Variants in CDH18 observed in about 807,000 individuals in gnomAD.
CDH18 encodes cadherin-18.
CDH18 carries 31 observed loss-of-function variants against 67.9 expected under a neutral mutation model. The ratio of observed to expected loss-of-function variants is 0.46; its 90% CI spans 0.34 to 0.62. The LOEUF (loss-of-function observed/expected upper bound fraction) is 0.62, where lower values mean the gene tolerates loss of function less well. Among genes scored for constraint, CDH18 ranks in the 20% least tolerant of loss-of-function variants. The probability of loss-of-function intolerance (pLI) is 0.01; values close to 1 mark genes in which losing one functional copy is unlikely to be tolerated. For missense variants in CDH18, 890 were observed against 975.5 expected, an observed-to-expected ratio of 0.91 and a Z score of 1.17; for synonymous variants, 362 against 347.2, an observed-to-expected ratio of 1.04 and a Z score of -0.48.
chr5:20,409,844 T>C (rs1399722198), intron 1 of CDH18, among the ~76,000 whole-genome samples: 3 of 151,650 alleles, frequency 2.0e-5, no homozygotes, highest in Non-Finnish European at 4.4e-5. Context: ...GAAAGGATTA[T>C]ACAAATTACT....
chr5:20,544,753 G>A (rs576511612), intron 1 of CDH18, among the ~76,000 whole-genome samples: 19 of 152,246 alleles, frequency 1.2e-4, no homozygotes, highest in South Asian at 1.2e-3. Flanking sequence ...TGGGGACACA[G>A]AGGCAAACCA....
At chr5:19,747,987 C>T (rs1770274554) in intron 3 of CDH18, among the ~76,000 whole-genome samples, 1 of 150,062 alleles carries the variant, frequency 6.7e-6, no homozygotes. Flanking sequence ...GTGGCGGGCG[C>T]CTGTAGTCCC....
At chr5:20,054,655 T>G (rs1741744765) in intron 2 of CDH18, among the ~76,000 whole-genome samples, 1 of 152,176 alleles carries the variant, frequency 6.6e-6, no homozygotes, top group Admixed American at 6.5e-5. Flanking sequence ...TTTGACTTGC[T>G]CAAAGTTAGG....
intron 1 of CDH18, among the ~76,000 whole-genome samples, chr5:20,341,544 C>CATATAT (rs34518300): frequency 0.016 from 2,335 of 149,664 alleles, 60 homozygotes; most frequent in African/African-American, 0.053. Context: ...TATTAGAGGG[C>CATATAT]ATATATATAT....
chr5:20,253,078 C>T (rs1022909979), intron 2 of CDH18, among the ~76,000 whole-genome samples: 1 of 152,070 alleles, frequency 6.6e-6, no homozygotes, highest in Admixed American at 6.6e-5. Flanking sequence ...GCAGCGGGGT[C>T]GTAGCCTAGC....
intron 5 of CDH18, among the ~76,000 whole-genome samples, chr5:19,617,378 T>A (rs1656215892): frequency 6.6e-6 from 1 of 152,220 alleles, no homozygotes; most frequent in Admixed American, 6.5e-5. Flanking sequence ...TATCCATGTA[T>A]CCAGTATTTG....
chr5:20,223,501 G>A (rs1039939288), intron 2 of CDH18, among the ~76,000 whole-genome samples: 1 of 152,026 alleles, frequency 6.6e-6, no homozygotes, highest in African/African-American at 2.4e-5. Context: ...AAGACTTTTG[G>A]GGACTGTTGG....
intron 2 of CDH18, among the ~76,000 whole-genome samples, chr5:20,064,720 T>G (rs568003321): frequency 1.4e-3 from 214 of 152,134 alleles, no homozygotes; most frequent in African/African-American, 4.8e-3. Flanking sequence ...TCAACAGAAC[T>G]TCTATTGAAA....
intron 7 of CDH18, among the ~76,000 whole-genome samples, chr5:19,581,812 T>C (rs751587725): frequency 3.3e-5 from 5 of 149,548 alleles, no homozygotes; most frequent in Non-Finnish European, 5.9e-5. Flanking sequence ...TATGGTATTT[T>C]GTCAAAACAC....
intron 8 of CDH18, among the ~76,000 whole-genome samples, chr5:19,551,485 A>G (rs1737439295): frequency 6.6e-6 from 1 of 152,146 alleles, no homozygotes; most frequent in East Asian, 1.9e-4. Flanking sequence ...TAAGAGATTT[A>G]GTCTCTCTGA....
chr5:20,291,407 T>C (rs545096984), intron 1 of CDH18, among the ~76,000 whole-genome samples: 1 of 152,202 alleles, frequency 6.6e-6, no homozygotes, highest in South Asian at 2.1e-4. Flanking sequence ...TTAAGGGTGA[T>C]GGTGGGGAAC....
chr5:20,317,244 T>C (rs986944144), intron 1 of CDH18, among the ~76,000 whole-genome samples: 1 of 152,048 alleles, frequency 6.6e-6, no homozygotes, highest in East Asian at 1.9e-4. Context: ...AAATTCTAGG[T>C]AAAGCATAAG....
chr5:20,422,506 G>T lies in CDH18; in HGVS notation c.-580+152956C>A, dbSNP rs886843040. On this transcript the variant is annotated intron_variant, in intron 1 of 14. Coordinates refer to the CDH18 transcript ENST00000507958. ...ATTAAATTAATAATGTAAGATAAAT[G>T]TGTTGTTTTCTGTGAATGGATTTTT... Among the ~76,000 whole-genome samples, 7 of 150,916 alleles carry T rather than the reference G, an allele frequency of 4.6e-5. 1 individual carries two copies. Among genetic ancestry groups the T allele is most frequent in the African/African-American group, 1.7e-4 (7 of 40,410 alleles).
chr5:20,272,519 G>A (rs1745511702), intron 1 of CDH18, among the ~76,000 whole-genome samples: 1 of 151,490 alleles, frequency 6.6e-6, no homozygotes, highest in South Asian at 2.1e-4. Context: ...AACAATGGAT[G>A]GAAATACAGA....
At chr5:20,501,553 TATA>T (rs1277958960) in intron 1 of CDH18, among the ~76,000 whole-genome samples, 226 of 17,568 alleles carry the variant, frequency 0.013, 6 homozygotes, top group African/African-American at 0.027. Context: ...ATATTATATA[TATA>T]ATATATATAT....
At chr5:20,233,396 T>G (rs1742227424) in intron 2 of CDH18, among the ~76,000 whole-genome samples, 1 of 151,860 alleles carries the variant, frequency 6.6e-6, no homozygotes, top group African/African-American at 2.4e-5. Flanking sequence ...AGTTTGAAAT[T>G]TTATATATTA....
intron 1 of CDH18, chr5:20,304,199 G>T: frequency 1.3e-6 from 2 of 1,496,374 alleles, no homozygotes; most frequent in Non-Finnish European, 1.9e-6. Context: ...TTTCCCTGTT[G>T]GCGTACGTGG....
intron 9 of CDH18, among the ~76,000 whole-genome samples, chr5:19,538,255 C>T (rs527589233): frequency 6.6e-6 from 1 of 152,240 alleles, no homozygotes; most frequent in South Asian, 2.1e-4. Flanking sequence ...GTAGAGAACC[C>T]AGTTGAGCCC....
chr5:20,538,901 T>TTTTTG (rs1554016283), intron 1 of CDH18, among the ~76,000 whole-genome samples: 8 of 130,662 alleles, frequency 6.1e-5, no homozygotes, highest in Admixed American at 8.0e-5. Context: ...GCCAACTGTT[T>TTTTTG]TTTTTTTGTT....
Sources: gnomAD v4.1 joint callset for allele counts (sites outside exome capture counted in the v4.1 genomes callset) on GRCh38, gnomAD v4.1.1 for gene constraint, MANE v1.5 for transcripts, NCBI Gene and HGNC (gene_info 2026-07-23, HGNC 2026-07-21) for gene names.